The following PREP variants were observed in gnomAD, a reference collection of about 807,000 sequenced individuals.
PREP encodes prolyl endopeptidase, also known as dJ355L5.1 (prolyl endopeptidase).
Under a neutral mutation model 87.6 loss-of-function variants are expected in PREP, and 29 were observed. That is an observed-to-expected ratio of 0.33 (90% confidence interval 0.25 to 0.45). The LOEUF is 0.45. Ranked by LOEUF, PREP falls within the 20% of genes least tolerant of loss-of-function variation. The pLI is 1.00. For missense variants in PREP, 695 were observed against 886.5 expected, an observed-to-expected ratio of 0.78 and a Z score of 2.74; for synonymous variants, 337 against 328.6, an observed-to-expected ratio of 1.03 and a Z score of -0.28.
At chr6:105,309,140 T>A (rs2114633023) in intron 10 of PREP, among the ~76,000 whole-genome samples, 1 of 151,712 alleles carries the variant, frequency 6.6e-6, no homozygotes, top group South Asian at 2.1e-4. Context: ...GCCAGGCTGG[T>A]GGGGTCTCAA....
intron 6 of PREP, among the ~76,000 whole-genome samples, chr6:105,359,914 A>G (rs1205480935): frequency 6.6e-6 from 1 of 152,180 alleles, no homozygotes; most frequent in Non-Finnish European, 1.5e-5. Context: ...TCACACAGGC[A>G]GAGATTTTGA....
intron 10 of PREP, among the ~76,000 whole-genome samples, chr6:105,301,426 G>A (rs867283502): frequency 2.0e-5 from 3 of 152,168 alleles, no homozygotes; most frequent in Non-Finnish European, 2.9e-5. Context: ...GGCAAACTCC[G>A]TGCTTCAGTT....
At chr6:105,312,925 G>C (rs1770788681) in intron 10 of PREP, among the ~76,000 whole-genome samples, 1 of 152,104 alleles carries the variant, frequency 6.6e-6, no homozygotes, top group African/African-American at 2.4e-5. Context: ...TTGTGTGGAG[G>C]AGCATGTACC....
intron 6 of PREP, among the ~76,000 whole-genome samples, chr6:105,368,054 C>T (rs138772205): frequency 4.6e-5 from 7 of 152,280 alleles, no homozygotes; most frequent in Non-Finnish European, 8.8e-5. Flanking sequence ...CCTGTTTTGT[C>T]CCCCAACGAA....
At chr6:105,300,066 T>C (rs546699462) in intron 10 of PREP, among the ~76,000 whole-genome samples, 2 of 152,068 alleles carry the variant, frequency 1.3e-5, no homozygotes, top group Non-Finnish European at 2.9e-5. Context: ...CCGGGTAACT[T>C]TGGTATTTTT....
intron 10 of PREP, among the ~76,000 whole-genome samples, chr6:105,315,009 G>A (rs780987140): frequency 6.6e-6 from 1 of 152,178 alleles, no homozygotes; most frequent in Non-Finnish European, 1.5e-5. Context: ...CATTGTCAAT[G>A]AGCAGTAAAT....
At position 105,344,085 on chromosome 6, in the gene PREP, G is replaced by A. The variant is rs140123136; in HGVS notation, c.823+8887C>T. On this transcript the variant is annotated intron_variant, in intron 7 of 14. Coordinates refer to ENST00000652536, the MANE Select transcript of PREP (RefSeq NM_002726.5). ...ACACATGCACACGTATGTTTATTGCGGCACTATTCACAATAGCAAAGAATT... is the reference window on the plus strand; with the variant it reads ...ACACATGCACACGTATGTTTATTGCAGCACTATTCACAATAGCAAAGAATT... 6.8e-3 allele frequency among the ~76,000 whole-genome samples: 1,039 copies of A among 152,214 alleles called. 62 individuals are homozygous for A. In the East Asian group the frequency reaches 0.13, roughly 19 times the overall value.
rs1283792497 is a variant in PREP at position 105,303,344 on chromosome 6, C to A, written c.1318-14450G>T. Among the ~76,000 whole-genome samples the A allele has an allele frequency of 2.6e-5, 4 of 151,820 alleles. No homozygotes were observed. The East Asian group carries it at 7.7e-4, about 29-fold the overall frequency. ...CCTCCCGAAGTGCTGGTGTGAACCA[C>A]CAAGCCCATCCAAAGTCCACGTTTT... On this transcript the variant is annotated intron_variant, in intron 10 of 14. Transcript: ENST00000652536.
intron 7 of PREP, among the ~76,000 whole-genome samples, chr6:105,335,241 A>G (rs1383225351): frequency 6.6e-6 from 1 of 152,218 alleles, no homozygotes; most frequent in East Asian, 1.9e-4. Flanking sequence ...TAAACAAAAA[A>G]GTTCTATGAC....
At chr6:105,371,357 T>A (rs1772537471) in intron 5 of PREP, among the ~76,000 whole-genome samples, 1 of 151,536 alleles carries the variant, frequency 6.6e-6, no homozygotes, top group South Asian at 2.1e-4. Context: ...ACAAAAAAAA[T>A]TTAGCTAGGC....
intron 2 of PREP, among the ~76,000 whole-genome samples, chr6:105,390,048 A>T (rs1185592214): frequency 6.6e-6 from 1 of 152,194 alleles, no homozygotes; most frequent in African/African-American, 2.4e-5. Flanking sequence ...TAAATATCCT[A>T]GAGATGATCA....
chr6:105,362,933 C>T (rs893873870), intron 6 of PREP, among the ~76,000 whole-genome samples: 3 of 152,134 alleles, frequency 2.0e-5, no homozygotes, highest in African/African-American at 7.2e-5. Context: ...AAGGTGAGAC[C>T]CTGCTGGTCT....
intron 10 of PREP, among the ~76,000 whole-genome samples, chr6:105,305,231 C>A (rs1770629316): frequency 6.6e-6 from 1 of 152,226 alleles, no homozygotes; most frequent in Middle Eastern, 3.4e-3. Context: ...AAATTTGTGG[C>A]TGGTAACTAT....
chr6:105,352,091 T>A (rs1771971989), intron 7 of PREP, among the ~76,000 whole-genome samples: 1 of 152,176 alleles, frequency 6.6e-6, no homozygotes, highest in African/African-American at 2.4e-5. Flanking sequence ...GGTAAATACA[T>A]TATTACAGAA....
chr6:105,315,029 G>A (rs1770832047), intron 10 of PREP, among the ~76,000 whole-genome samples: 1 of 152,200 alleles, frequency 6.6e-6, no homozygotes, highest in African/African-American at 2.4e-5. Flanking sequence ...TATTTGGAAA[G>A]GAATTGTTCT....
chr6:105,322,633 C>T, intron 10 of PREP: 1 of 989,348 alleles, frequency 1.0e-6, no homozygotes, highest in Non-Finnish European at 1.2e-6. Context: ...TGCAACCACT[C>T]TAAGTGCCAA....
intron 1 of PREP, 44 bp downstream of exon 1, chr6:105,402,803 C>A (rs1773469862): frequency 1.3e-6 from 2 of 1,513,928 alleles, no homozygotes; most frequent in Non-Finnish European, 1.8e-6. Flanking sequence ...GCAGGCTGGG[C>A]ACCTTTGCCC....
At chr6:105,285,863 C>T (rs1352354278) in intron 11 of PREP, among the ~76,000 whole-genome samples, 2 of 152,192 alleles carry the variant, frequency 1.3e-5, no homozygotes, top group African/African-American at 2.4e-5. Flanking sequence ...GCAACCTCCA[C>T]CTTCCGGGCT....
chr6:105,318,153 G>C (rs1376706052), intron 10 of PREP, among the ~76,000 whole-genome samples: 1 of 151,904 alleles, frequency 6.6e-6, no homozygotes, highest in Non-Finnish European at 1.5e-5. Context: ...CTGTTTCCTT[G>C]ATAAAAAGGC....
Sources: allele counts gnomAD v4.1 joint callset (sites outside exome capture counted in the v4.1 genomes callset), GRCh38; gene constraint gnomAD v4.1.1; transcripts MANE v1.5; gene names NCBI Gene and HGNC (gene_info 2026-07-23, HGNC 2026-07-21).